Variants in FBXO8 observed in about 807,000 individuals in gnomAD.
FBXO8 encodes F-box protein 8.
In FBXO8, 15 loss-of-function variants were observed where a neutral mutation model predicts 33.4. The observed-to-expected ratio is 0.45, with a 90% CI of 0.30 to 0.69. The LOEUF is 0.69. Among genes scored for constraint, FBXO8 ranks in the 30% least tolerant of loss-of-function variants. The probability of loss-of-function intolerance (pLI) is 0.08; values close to 1 mark genes in which losing one functional copy is unlikely to be tolerated. For synonymous variants in FBXO8, 132 were observed against 131.5 expected (o/e 1.00, Z -0.02); for missense variants, 274 against 380.3 (o/e 0.72, Z 2.32).
At position 174,237,567 on chromosome 4, in the gene FBXO8, G is replaced by A; in HGVS notation, c.805C>T (p.Leu269=). The A allele has an allele frequency of 6.2e-7, 1 of 1,613,400 alleles. No homozygotes were observed. Among genetic ancestry groups the A allele is most frequent in the Non-Finnish European group, 8.5e-7 (1 of 1,179,538 alleles). The change falls in exon 6 of 6, where the codon CTA becomes TTA. Residue 269 remains leucine, a synonymous_variant. Transcript: ENST00000393674. The surrounding 1 kb of genome is among the most constrained non-coding windows in gnomAD (Gnocchi z 4.4). ...AVYVLCYSLI[L]LSIDLTSPHV... ...GGGCTAGTGAGGTCAATGGAAAGTAGAATCAAAGAGTAGCACAGTACATAG... is the reference window on the plus strand; with the variant it reads ...GGGCTAGTGAGGTCAATGGAAAGTAAAATCAAAGAGTAGCACAGTACATAG...
intron 4 of FBXO8, among the ~76,000 whole-genome samples, chr4:174,240,315 G>T (rs1395912442): frequency 6.6e-6 from 1 of 151,616 alleles, no homozygotes; most frequent in East Asian, 1.9e-4. Flanking sequence ...TTAATCATCC[G>T]TGTGCTACTA....
rs78675340 is a variant in FBXO8 at position 174,247,379 on chromosome 4, G to A, written c.457-6161C>T. Among the ~76,000 whole-genome samples the A allele has an allele frequency of 0.064, 9,622 of 151,306 alleles. 423 individuals carry two copies. Among genetic ancestry groups the A allele is most frequent in the South Asian group, 0.21 (1,024 of 4,794 alleles). Reference sequence around the variant, plus strand: ...GATTTAGCAAGTTTTGTTCAATTTCGTCCTTGTATAAAATGTAAAATCTAG... The same window carrying A: ...GATTTAGCAAGTTTTGTTCAATTTCATCCTTGTATAAAATGTAAAATCTAG... On this transcript the variant is annotated intron_variant, in intron 3 of 5. Transcript: ENST00000393674. The surrounding 1 kb of genome is among the most constrained non-coding windows in gnomAD (Gnocchi z 4.6).
chr4:174,282,333 G>A (rs556542088), intron 1 of FBXO8, among the ~76,000 whole-genome samples: 54 of 152,218 alleles, frequency 3.5e-4, no homozygotes, highest in African/African-American at 1.2e-3. Flanking sequence ...ATGAAGTTAC[G>A]CTGCACCCTA....
intron 1 of FBXO8, among the ~76,000 whole-genome samples, chr4:174,268,666 G>C (rs113180530): frequency 0.011 from 1,601 of 152,264 alleles, 16 homozygotes; most frequent in Non-Finnish European, 0.016. Flanking sequence ...TCCATCTCCT[G>C]ACCTCGTGAT....
In FBXO8 at chr4:174,241,117, T is replaced by C. The variant is rs1736024954; in HGVS notation, c.558A>G (p.Arg186=). ...CTRTLNWKKL[R]IYLDERRDVL... is the part of the protein sequence containing the mutation. Reference sequence around the variant, plus strand: ...GTTTTTACCTTTCATCAAGATAGATTCTCAGTTTTTTCCAATTTAGTGTTC... The same window carrying C: ...GTTTTTACCTTTCATCAAGATAGATCCTCAGTTTTTTCCAATTTAGTGTTC... The change falls in exon 4 of 6, where the codon AGA becomes AGG. Residue 186 remains arginine (R), a synonymous_variant. Transcript: ENST00000393674. The surrounding 1 kb of genome is among the most constrained non-coding windows in gnomAD (Gnocchi z 4.2). The C allele has an allele frequency of 3.8e-6, 6 of 1,597,954 alleles. No individual in the cohort carries two copies. Among genetic ancestry groups the C allele is most frequent in the Admixed American group, 1.7e-5 (1 of 58,868 alleles).
rs1421144567 is a variant in FBXO8 at position 174,254,302 on chromosome 4, C to T, written c.456+5397G>A. 6.6e-6 allele frequency among the ~76,000 whole-genome samples: 1 copy of T among 152,196 alleles called. No individual in the cohort carries two copies. Among genetic ancestry groups the T allele is most frequent in the African/African-American group, 2.4e-5 (1 of 41,454 alleles). On this transcript the variant is annotated intron_variant, in intron 3 of 5. Coordinates refer to ENST00000393674, the MANE Select transcript of FBXO8 (RefSeq NM_012180.3). The surrounding 1 kb of genome is among the most constrained non-coding windows in gnomAD (Gnocchi z 4.2). ...TGTGTCTTACTGTCAACTTGGTTCA[C>T]ATTCTACTACCTGTAAGTTTATTCC...
rs544947570 is a variant in FBXO8, at chr4:174,278,328, GT to G, written c.-9+5081del. ...AAAGGCATACCATTTGCAGGTTTTG[GT>G]TTTTTTTAATTCAAAAAGATTTACA... is the stretch of plus-strand genomic sequence containing the variant. On this transcript the variant is annotated intron_variant, in intron 1 of 5. Coordinates refer to ENST00000393674, the MANE Select transcript of FBXO8 (RefSeq NM_012180.3). The surrounding 1 kb of genome is among the most constrained non-coding windows in gnomAD (Gnocchi z 4.1). Among the ~76,000 whole-genome samples the G allele has an allele frequency of 5.5e-3, 836 of 151,722 alleles. 7 individuals are homozygous for G. The highest frequency in any genetic ancestry group is 0.019 in the African/African-American group (783 of 41,410).
rs953445577 is a variant in FBXO8 at position 174,265,028 on chromosome 4, AT to A, written c.-8-1929del. ...ATAAGCACATGAAAAGATGCTCAAC[AT>A]CATATGTCGTGAGGGAACTGAAAAT... On this transcript the variant is annotated intron_variant, in intron 1 of 5. Transcript: ENST00000393674. The surrounding 1 kb of genome is among the most constrained non-coding windows in gnomAD (Gnocchi z 4.7). 2.0e-4 allele frequency among the ~76,000 whole-genome samples: 31 copies of A among 152,270 alleles called. 1 individual carries two copies. In the South Asian group the frequency reaches 4.6e-3, roughly 22 times the overall value.
At position 174,259,660 on chromosome 4, in the gene FBXO8, A is replaced by G; in HGVS notation, c.456+39T>C. The G allele has an allele frequency of 6.3e-7, 1 of 1,594,152 alleles. No homozygotes were observed. ...TGGAAAGCTGCAGCAAGATAGTAAT[A>G]AAGGTCACTGGATACAAATATTCAA... On this transcript the variant is annotated intron_variant, in intron 3 of 5. Coordinates refer to ENST00000393674, the MANE Select transcript of FBXO8 (RefSeq NM_012180.3). The surrounding 1 kb of genome is among the most constrained non-coding windows in gnomAD (Gnocchi z 4.3).
Position 174,245,936 on chromosome 4 carries a change from T to G in FBXO8, c.457-4718A>C, listed in dbSNP as rs1736148057. ...CAAAAAAAGTCAAAGAGGGTGTTGA[T>G]TTGAAGAAAACAGTGATGAGTTAGC... On this transcript the variant is annotated intron_variant, in intron 3 of 5. Coordinates refer to ENST00000393674, the MANE Select transcript of FBXO8 (RefSeq NM_012180.3). The surrounding 1 kb of genome is among the most constrained non-coding windows in gnomAD (Gnocchi z 4.6). 6.6e-6 allele frequency among the ~76,000 whole-genome samples: 1 copy of G among 151,870 alleles called. No homozygotes were observed. Among genetic ancestry groups the G allele is most frequent in the South Asian group, 2.1e-4 (1 of 4,826 alleles).
At chr4:174,246,025 T>C (rs1257656932) in intron 3 of FBXO8, among the ~76,000 whole-genome samples, 2 of 151,968 alleles carry the variant, frequency 1.3e-5, no homozygotes, top group Non-Finnish European at 2.9e-5. Flanking sequence ...AGGCAGTTGG[T>C]AATGTAATAG....
intron 3 of FBXO8, among the ~76,000 whole-genome samples, chr4:174,244,888 G>T (rs987222607): frequency 4.0e-5 from 6 of 151,610 alleles, no homozygotes; most frequent in African/African-American, 1.5e-4. Context: ...CTAGTCATTT[G>T]ATTTTTTTAA....
chr4:174,250,878 G>A (rs1471402818), intron 3 of FBXO8, among the ~76,000 whole-genome samples: 1 of 152,114 alleles, frequency 6.6e-6, no homozygotes, highest in Non-Finnish European at 1.5e-5. Context: ...GGACATTAAA[G>A]CTGAGAACTT....
At chr4:174,246,160 A>G (rs1169029085) in intron 3 of FBXO8, among the ~76,000 whole-genome samples, 1 of 151,962 alleles carries the variant, frequency 6.6e-6, no homozygotes, top group Non-Finnish European at 1.5e-5. Flanking sequence ...CGAGTTAAAG[A>G]ACAGGGTGTC....
rs766309904 is a variant in FBXO8 at position 174,263,003 on chromosome 4, G to C, written c.90C>G (p.Ser30Arg). Residue 30 changes from serine to arginine, a missense_variant, in exon 2 of 6, where the codon AGC becomes AGG. Ser to Arg is a moderately radical substitution (Grantham distance 110). Around this residue, in one of 2 missense-constraint regions of FBXO8, gnomAD observed 88 missense variants for 86.9 expected, o/e 1.01. Transcript: ENST00000393674. The surrounding 1 kb of genome is among the most constrained non-coding windows in gnomAD (Gnocchi z 4.2). ...SEQGYLTREQ[S>R]RRMAASNISN... ...AAATGTTGCTCGCAGCCATTCTCCT[G>C]CTCTGCTCTCTGGTGAGGTAGCCTT... The C allele has an allele frequency of 1.2e-6, 2 of 1,614,002 alleles. No homozygotes were observed. Among genetic ancestry groups the C allele is most frequent in the African/African-American group, 1.3e-5 (1 of 75,026 alleles).
In FBXO8 at chr4:174,259,935, A is replaced by G; in HGVS notation, c.330-110T>C. The G allele has an allele frequency of 8.5e-7, 1 of 1,174,494 alleles. No homozygotes were observed. The highest frequency in any genetic ancestry group is 1.2e-6 in the Non-Finnish European group (1 of 852,062). 72.8% of individuals were successfully genotyped at this position (1,174,494 alleles called of 1,614,324 possible). The stretch of plus-strand genomic sequence containing the variant: ...AACATGAAATAAGATTGAATTTTAT[A>G]GTTCTAAAGTTTAAAATTTTTAAGT... On this transcript the variant is annotated intron_variant, in intron 2 of 5. Transcript: ENST00000393674. This position sits in a 1 kb window ranked among gnomAD's most constrained non-coding sequence, Gnocchi z 4.3.
intron 1 of FBXO8, among the ~76,000 whole-genome samples, chr4:174,266,098 T>C (rs925611349): frequency 6.6e-6 from 1 of 152,164 alleles, no homozygotes; most frequent in African/African-American, 2.4e-5. Flanking sequence ...TTGCTACTCT[T>C]AGGCCTGTTG....
intron 1 of FBXO8, among the ~76,000 whole-genome samples, chr4:174,268,510 G>C (rs746501024): frequency 5.9e-5 from 9 of 152,156 alleles, no homozygotes; most frequent in Non-Finnish European, 1.2e-4. Context: ...TCGGCTCACT[G>C]CAAGTTCCGC....
At position 174,257,682 on chromosome 4, in the gene FBXO8, G is replaced by C. The variant is rs1020582934; in HGVS notation, c.456+2017C>G. 6.6e-6 allele frequency among the ~76,000 whole-genome samples: 1 copy of C among 151,994 alleles called. No individual in the cohort carries two copies. Among genetic ancestry groups the C allele is most frequent in the African/African-American group, 2.4e-5 (1 of 41,370 alleles). ...ATATCTTTATTGTGACTATTATTAA[G>C]ATCATTGAGACAGGGTCTCACTCTC... is the stretch of plus-strand genomic sequence containing the variant. On this transcript the variant is annotated intron_variant, in intron 3 of 5. Coordinates refer to ENST00000393674, the MANE Select transcript of FBXO8 (RefSeq NM_012180.3). The surrounding 1 kb of genome is among the most constrained non-coding windows in gnomAD (Gnocchi z 4.3).
Sources: gnomAD v4.1 joint callset for allele counts (sites outside exome capture counted in the v4.1 genomes callset) on GRCh38, gnomAD v4.1.1 for gene constraint, gnomAD v4.1.1 regional missense constraint, Gnocchi (gnomAD v3.1) non-coding constraint, MANE v1.5 for transcripts, NCBI Gene and HGNC (gene_info 2026-07-23, HGNC 2026-07-21) for gene names.